Variants in GNB5 observed in about 807,000 individuals in gnomAD.
GNB5 encodes the protein G protein subunit beta 5.
A neutral mutation model predicts 55.3 loss-of-function variants in GNB5; 37 were observed. The observed-to-expected ratio is 0.67, with a 90% confidence interval of 0.51 to 0.88. The LOEUF (loss-of-function observed/expected upper bound fraction) is 0.88. Among genes scored for constraint, GNB5 ranks in the 40% least tolerant of loss-of-function variants. GNB5 has a pLI of 0.00. For missense variants in GNB5, 476 were observed against 515.3 expected (o/e 0.92, Z 0.74); for synonymous variants, 219 against 198.5 (o/e 1.10, Z -0.87).
At chr15:52,185,753 TTTATTA>T (rs9302164) in intron 1 of GNB5, among the ~76,000 whole-genome samples, 4,100 of 136,658 alleles carry the variant, frequency 0.03, 85 homozygotes, top group East Asian at 0.08. Flanking sequence ...TATTCATCTT[TTTATTA>T]TTATTATTAT....
At chr15:52,149,267 A>G in intron 5 of GNB5, 1 of 153,238 alleles carries the variant, frequency 6.5e-6, no homozygotes. Flanking sequence ...AAATAAATAT[A>G]GGAATTCTTA....
chr15:52,181,436 T>G (rs1596111247), intron 2 of GNB5, among the ~76,000 whole-genome samples: 1 of 152,054 alleles, frequency 6.6e-6, no homozygotes, highest in East Asian at 1.9e-4. Flanking sequence ...GCCAACATGA[T>G]GAAACCCTCT....
intron 7 of GNB5, among the ~76,000 whole-genome samples, chr15:52,138,122 A>AT (rs1289242027): frequency 1.3e-5 from 2 of 151,248 alleles, no homozygotes; most frequent in African/African-American, 2.4e-5. Context: ...AAAGAATCTC[A>AT]TTTTTTTCCC....
At chr15:52,123,370 G>T (rs2033325243) in intron 12 of GNB5, among the ~76,000 whole-genome samples, 1 of 149,774 alleles carries the variant, frequency 6.7e-6, no homozygotes, top group Non-Finnish European at 1.5e-5. Context: ...ATGCCACAAA[G>T]TTGTCCAATC....
intron 7 of GNB5, 41 bp from the exon 8 acceptor site, chr15:52,135,797 T>C (rs766923955): frequency 5.7e-5 from 91 of 1,605,330 alleles, no homozygotes; most frequent in Non-Finnish European, 7.5e-5. Flanking sequence ...GTTGTGGTTA[T>C]TGCTTATGCC....
intron 3 of GNB5, among the ~76,000 whole-genome samples, chr15:52,165,033 TGAAAG>T (rs2034422972): frequency 6.6e-6 from 1 of 152,172 alleles, no homozygotes; most frequent in Non-Finnish European, 1.5e-5. Context: ...CTGATGGGGC[TGAAAG>T]ATACAACATA....
At chr15:52,185,953 A>T (rs2034840674) in intron 1 of GNB5, among the ~76,000 whole-genome samples, 1 of 151,900 alleles carries the variant, frequency 6.6e-6, no homozygotes, top group Non-Finnish European at 1.5e-5. Flanking sequence ...TAATTTTTGT[A>T]TTTTTAGTAG....
chr15:52,188,397 A>G (rs2034874850), intron 1 of GNB5, among the ~76,000 whole-genome samples: 1 of 152,234 alleles, frequency 6.6e-6, no homozygotes. Flanking sequence ...CTATAATCCC[A>G]CCACTCAGAG....
At chr15:52,137,653 T>A (rs2033756236) in intron 7 of GNB5, 2 of 1,145,592 alleles carry the variant, frequency 1.7e-6, no homozygotes, top group Non-Finnish European at 2.2e-6. Context: ...TTTTACTTTT[T>A]GTCACTGCCA....
intron 10 of GNB5, among the ~76,000 whole-genome samples, chr15:52,127,136 TC>T (rs2033451117): frequency 6.6e-6 from 1 of 152,138 alleles, no homozygotes; most frequent in Non-Finnish European, 1.5e-5. Flanking sequence ...ATATGGCAAA[TC>T]TGCCCTCTAG....
intron 3 of GNB5, among the ~76,000 whole-genome samples, chr15:52,174,052 T>C (rs931254573): frequency 6.6e-6 from 1 of 152,102 alleles, no homozygotes; most frequent in Non-Finnish European, 1.5e-5. Context: ...CCCAACATAA[T>C]CACATGGATC....
chr15:52,182,121 G>C (rs1053035423), intron 2 of GNB5, among the ~76,000 whole-genome samples: 10 of 152,332 alleles, frequency 6.6e-5, no homozygotes, highest in Non-Finnish European at 7.3e-5. Flanking sequence ...TCTGTGAATG[G>C]GGGACAACAC....
Position 52,180,060 on chromosome 15 carries a change from C to T in GNB5, c.127-181G>A, listed in dbSNP as rs1406051197. 3 of 740,532 alleles carry T rather than the reference C, an allele frequency of 4.1e-6. No individual in the cohort carries two copies. The East Asian group carries it at 1.3e-4, about 32-fold the overall frequency. 45.9% of individuals were successfully genotyped at this position (740,532 alleles called of 1,614,324 possible). A position where few individuals can be genotyped will look rare whatever the true frequency, so the allele number is the denominator to read the frequency against. On this transcript the variant is annotated intron_variant, in intron 2 of 12. Coordinates refer to ENST00000261837, the MANE Select transcript of GNB5 (RefSeq NM_016194.4). ...TGAGCCCCAAGACCCCGCACCTGGG[C>T]GCGCGCTCTGGCGCAGTGCCTGGTG...
chr15:52,128,949 T>C (rs2033503428), intron 9 of GNB5, among the ~76,000 whole-genome samples: 1 of 143,380 alleles, frequency 7.0e-6, no homozygotes, highest in Admixed American at 7.0e-5. Context: ...CTTCCATTGT[T>C]TCTCCTTTTT....
chr15:52,156,971 G>A (rs1459309517), intron 3 of GNB5, among the ~76,000 whole-genome samples: 27 of 142,854 alleles, frequency 1.9e-4, no homozygotes, highest in Non-Finnish European at 3.0e-4. Context: ...AGTCTCGCTC[G>A]GTCGCCCAGG....
intron 4 of GNB5, 136 bp from the exon 5 acceptor site, chr15:52,150,061 C>T: frequency 4.4e-6 from 3 of 674,964 alleles, no homozygotes; most frequent in Non-Finnish European, 7.9e-6. Flanking sequence ...AATCAAGACC[C>T]CCTAATCTAT....
In GNB5 at chr15:52,137,738, CG is replaced by C. The variant is rs201783524; in HGVS notation, c.628-1983del. ...AGAAAGGCAGTGAGGACTCAGGGTT[CG>C]GGGCCCTCATAGGCCCAGCTGGCGG... On this transcript the variant is annotated intron_variant, in intron 7 of 12. Transcript: ENST00000261837. The C allele has an allele frequency of 2.0e-3, 2,441 of 1,192,292 alleles. 53 individuals are homozygous for C. The Admixed American group carries it at 0.03, about 15-fold the overall frequency. 73.9% of individuals were successfully genotyped at this position (1,192,292 alleles called of 1,614,324 possible). A position where few individuals can be genotyped will look rare whatever the true frequency, so the allele number is the denominator to read the frequency against.
intron 9 of GNB5, among the ~76,000 whole-genome samples, chr15:52,132,286 C>A (rs2033596789): frequency 6.6e-6 from 1 of 152,326 alleles, no homozygotes; most frequent in East Asian, 1.9e-4. Context: ...GACAGCCCAA[C>A]TTGTTAACTT....
rs1396015020 is a variant in GNB5, at chr15:52,118,894, TAC to T, written c.*3861_*3862del. On this transcript the variant is annotated 3_prime_UTR_variant, in exon 13 of 13. Transcript: ENST00000261837. ...TAAAAAAAAAAAAAAAAAAAAAGTG[TAC>T]AGAGATCCTAAGACCAAAAAGTTTG... The T allele has an allele frequency of 7.2e-6, 1 of 138,658 alleles. No homozygotes were observed. Among genetic ancestry groups the T allele is most frequent in the Non-Finnish European group, 1.5e-5 (1 of 65,518 alleles). The allele number at this position is 138,658 out of a possible 1,614,324, so 8.6% of individuals were successfully genotyped here.
Sources: gnomAD v4.1 joint callset for allele counts (sites outside exome capture counted in the v4.1 genomes callset) on GRCh38, gnomAD v4.1.1 for gene constraint, MANE v1.5 for transcripts, NCBI Gene and HGNC (gene_info 2026-07-23, HGNC 2026-07-21) for gene names.